The following FBXL13 variants were observed in gnomAD, a reference collection of about 807,000 sequenced individuals.
FBXL13 encodes the protein F-box and leucine rich repeat protein 13.
In FBXL13, 67 loss-of-function variants were observed where a neutral mutation model predicts 83.6. The ratio of observed to expected loss-of-function variants is 0.80; its 90% confidence interval spans 0.66 to 0.98. FBXL13 has a LOEUF of 0.98. FBXL13 is among the 50% of genes least tolerant of loss of function. The pLI is 0.00. For synonymous variants in FBXL13, 272 were observed against 299.5 expected (o/e 0.91, Z 0.95); for missense variants, 822 against 866.5 (o/e 0.95, Z 0.64).
intron 6 of FBXL13, among the ~76,000 whole-genome samples, chr7:102,981,265 G>T (rs1288657965): frequency 6.6e-6 from 1 of 151,958 alleles, no homozygotes; most frequent in African/African-American, 2.4e-5. Flanking sequence ...TGTTTAAAAG[G>T]GTCCATTTTA....
At chr7:102,877,699 G>T (rs1809458795) in intron 15 of FBXL13, 106 bp from the exon 17 acceptor site, 1 of 1,192,522 alleles carries the variant, frequency 8.4e-7, no homozygotes, top group Non-Finnish European at 1.2e-6. Context: ...TTGAAGCAAA[G>T]ATTTTCCTTT....
chr7:102,945,503 A>C (rs1822320703), intron 8 of FBXL13, among the ~76,000 whole-genome samples: 1 of 152,110 alleles, frequency 6.6e-6, no homozygotes, highest in Non-Finnish European at 1.5e-5. Context: ...TATAGGAAAT[A>C]ATACGAGGCC....
At chr7:102,913,759 A>C (rs1815249610) in intron 10 of FBXL13, among the ~76,000 whole-genome samples, 1 of 152,228 alleles carries the variant, frequency 6.6e-6, no homozygotes. Context: ...AATAGGTTTA[A>C]ATATGCATGA....
intron 4 of FBXL13, among the ~76,000 whole-genome samples, chr7:103,027,965 T>G (rs978542828): frequency 6.6e-6 from 1 of 152,196 alleles, no homozygotes; most frequent in Non-Finnish European, 1.5e-5. Flanking sequence ...TTCGTTACAC[T>G]AATGTTAAAA....
At chr7:102,883,581 C>T (rs746084485) in exon 13 of FBXL13, 1 of 1,608,500 alleles carries the variant, frequency 6.2e-7, no homozygotes, top group Admixed American at 1.7e-5. Context: ...CAAATCGGAT[C>T]TTTCTGAGTT....
chr7:103,061,184 T>G (rs75339298), intron 1 of FBXL13, among the ~76,000 whole-genome samples: 8,411 of 151,996 alleles, frequency 0.055, 327 homozygotes, highest in Middle Eastern at 0.13. Context: ...GGTTTTTTTT[T>G]TTTGTTTTTT....
intron 6 of FBXL13, among the ~76,000 whole-genome samples, chr7:102,989,846 T>C (rs930841889): frequency 1.3e-5 from 2 of 152,218 alleles, no homozygotes; most frequent in African/African-American, 4.8e-5. Context: ...TATTTTCCTG[T>C]AAAAGAGGTT....
At chr7:103,069,972 G>A (rs13229214) in intron 1 of FBXL13, among the ~76,000 whole-genome samples, 93,961 of 150,986 alleles carry the variant, frequency 0.62, 30,152 homozygotes, top group Non-Finnish European at 0.7. Context: ...CCAGCTACTC[G>A]GGAGGCTGAG....
At chr7:102,941,747 C>T (rs1312236744) in intron 8 of FBXL13, among the ~76,000 whole-genome samples, 1 of 131,334 alleles carries the variant, frequency 7.6e-6, no homozygotes, top group Non-Finnish European at 1.6e-5. Context: ...AAAGCTGTCT[C>T]AAAAAAAAAA....
chr7:102,816,618 TA>T (rs1469360563), intron 19 of FBXL13, among the ~76,000 whole-genome samples: 2 of 151,858 alleles, frequency 1.3e-5, no homozygotes, highest in African/African-American at 4.8e-5. Context: ...CACGCACCTT[TA>T]AAAAAAAATT....
chr7:103,038,892 A>C (rs10257836), intron 2 of FBXL13, among the ~76,000 whole-genome samples: 1 of 152,246 alleles, frequency 6.6e-6, no homozygotes, highest in African/African-American at 2.4e-5. Context: ...TGAAAATTCC[A>C]AAAGACACAG....
chr7:103,066,187 A>T (rs1403903182), intron 1 of FBXL13, among the ~76,000 whole-genome samples: 2 of 152,126 alleles, frequency 1.3e-5, no homozygotes, highest in Non-Finnish European at 2.9e-5. Context: ...AAAATTTTAG[A>T]CTTTAACTAA....
chr7:102,841,317 T>G (rs1802900280), intron 17 of FBXL13, among the ~76,000 whole-genome samples: 1 of 152,112 alleles, frequency 6.6e-6, no homozygotes, highest in Non-Finnish European at 1.5e-5. Flanking sequence ...AGGGGCAGCT[T>G]AAAGAGTGGG....
intron 6 of FBXL13, among the ~76,000 whole-genome samples, chr7:102,983,750 T>G (rs1828582578): frequency 6.6e-6 from 1 of 152,064 alleles, no homozygotes; most frequent in Admixed American, 6.6e-5. Context: ...GTCAACGCCT[T>G]CACTTTAACA....
intron 17 of FBXL13, among the ~76,000 whole-genome samples, chr7:102,835,841 C>A (rs1584522461): frequency 6.6e-6 from 1 of 151,900 alleles, no homozygotes; most frequent in Middle Eastern, 3.4e-3. Flanking sequence ...GATCTCCTGA[C>A]CTCGTGATCC....
At position 102,939,353 on chromosome 7, in the gene FBXL13, A is replaced by G. The variant is rs1034428343; in HGVS notation, c.725-7420T>C. 9 of 1,247,156 alleles carry G rather than the reference A, an allele frequency of 7.2e-6. No homozygotes were observed. In the African/African-American group the frequency reaches 1.4e-4, roughly 19 times the overall value. 77.3% of individuals were successfully genotyped at this position (1,247,156 alleles called of 1,614,324 possible). On this transcript the variant is annotated intron_variant, in intron 8 of 19. Transcript: ENST00000313221. ...CTTCTCTTTAAGAGCTGATTCTTCA[A>G]TCACACAGATATAACGGTGACCGAG...
intron 6 of FBXL13, among the ~76,000 whole-genome samples, chr7:103,015,446 T>A (rs1792175613): frequency 6.6e-6 from 1 of 152,250 alleles, no homozygotes; most frequent in Non-Finnish European, 1.5e-5. Flanking sequence ...AACCCCACAG[T>A]CTCTGCCCAA....
chr7:102,944,305 T>C (rs777566366), intron 8 of FBXL13: 36 of 1,613,992 alleles, frequency 2.2e-5, no homozygotes, highest in South Asian at 8.8e-5. Context: ...CTTGTATTTT[T>C]TGAAACTCTT....
chr7:102,956,761 T>C (rs1824334556), intron 8 of FBXL13, among the ~76,000 whole-genome samples: 1 of 152,116 alleles, frequency 6.6e-6, no homozygotes, highest in Admixed American at 6.5e-5. Context: ...GAGAGCCAGA[T>C]TATGAGTGAA....
Sources: gnomAD v4.1 joint callset for allele counts (sites outside exome capture counted in the v4.1 genomes callset) on GRCh38, gnomAD v4.1.1 for gene constraint, MANE v1.5 for transcripts, NCBI Gene and HGNC (gene_info 2026-07-23, HGNC 2026-07-21) for gene names.